PCDHA10: variants seen among roughly 807,000 people sequenced by gnomAD.
PCDHA10 encodes protocadherin alpha 10, also known as protocadherin alpha-10.
PCDHA10 carries 45 observed loss-of-function variants against 61.2 expected under a neutral mutation model. That is an observed-to-expected ratio of 0.74 (90% CI 0.58 to 0.94). PCDHA10 has a LOEUF of 0.94. Ranked by LOEUF, PCDHA10 falls within the 40% of genes least tolerant of loss-of-function variation. The pLI, the probability that PCDHA10 is intolerant of heterozygous loss-of-function variation, is 0.00. For synonymous variants in PCDHA10, 602 were observed against 548.8 expected (o/e 1.10, Z -1.35); for missense variants, 1,278 against 1,236.2 (o/e 1.03, Z -0.51).
At chr5:140,989,928 A>T (rs2097366853) in intron 3 of PCDHA10, among the ~76,000 whole-genome samples, 1 of 152,032 alleles carries the variant, frequency 6.6e-6, no homozygotes, top group African/African-American at 2.4e-5. Context: ...GCAGAGATAG[A>T]TGACATTCCA....
chr5:140,969,225 C>G (rs782766938), intron 1 of PCDHA10: 13 of 1,614,118 alleles, frequency 8.1e-6, no homozygotes, highest in Admixed American at 1.7e-5. Flanking sequence ...CCAGGGCCTT[C>G]GGGAGCCCAA....
chr5:140,945,597 A>G (rs374286655), intron 1 of PCDHA10, among the ~76,000 whole-genome samples: 11 of 152,170 alleles, frequency 7.2e-5, no homozygotes, highest in Non-Finnish European at 1.2e-4. Context: ...CTTCAAAGCT[A>G]TAATAATCAA....
rs1361440512 is a variant in PCDHA10, at chr5:140,875,201, G to A, written c.2388+16765G>A. 5.0e-5 allele frequency: 30 copies of A among 595,474 alleles called. No homozygotes were observed. The East Asian group carries it at 1.1e-3, about 21-fold the overall frequency. 36.9% of individuals were successfully genotyped at this position (595,474 alleles called of 1,614,324 possible). A position where few individuals can be genotyped will look rare whatever the true frequency, so the allele number is the denominator to read the frequency against. On this transcript the variant is annotated intron_variant, in intron 1 of 3. Coordinates refer to ENST00000307360, the MANE Select transcript of PCDHA10 (RefSeq NM_018901.4). ...AGAATTAAGAGTGACCCAGGAAGTG[G>A]CTAAACCGAAAAGAACCTCAGGATC... is the stretch of plus-strand genomic sequence containing the variant.
At chr5:140,967,086 G>C in intron 1 of PCDHA10, 3 of 1,613,210 alleles carry the variant, frequency 1.9e-6, no homozygotes, top group Non-Finnish European at 2.5e-6. Context: ...CGCATTGATC[G>C]GGAGGCGCTG....
At chr5:140,862,596 G>A (rs543851067) in intron 1 of PCDHA10, 2 of 510,824 alleles carry the variant, frequency 3.9e-6, no homozygotes, top group East Asian at 1.0e-4. Flanking sequence ...CCGAGTACAT[G>A]GTGTTCGTGA....
chr5:141,005,031 A>G (rs2098194150), intron 3 of PCDHA10, among the ~76,000 whole-genome samples: 1 of 152,212 alleles, frequency 6.6e-6, no homozygotes, highest in South Asian at 2.1e-4. Context: ...ATAATTGCCC[A>G]TATGTGATAC....
chr5:140,947,585 G>C (rs773594834), intron 1 of PCDHA10, among the ~76,000 whole-genome samples: 5 of 151,544 alleles, frequency 3.3e-5, no homozygotes, highest in Non-Finnish European at 3.0e-5. Context: ...TTAACATTTA[G>C]ATCAATTTAG....
At position 140,970,818 on chromosome 5, in the gene PCDHA10, G is replaced by A. The variant is rs77234853; in HGVS notation, c.2389-8131G>A. Among the ~76,000 whole-genome samples, 569 of 152,084 alleles carry A rather than the reference G, an allele frequency of 3.7e-3. 1 individual carries two copies. The highest frequency in any genetic ancestry group is 5.8e-3 in the South Asian group (28 of 4,824). On this transcript the variant is annotated intron_variant, in intron 1 of 3. Coordinates refer to ENST00000307360, the MANE Select transcript of PCDHA10 (RefSeq NM_018901.4). ...CATATTGTTACATTTCAAGTTCATGGTAATCTTGAGGAATGTAATGCACAG... is the reference window on the plus strand; with the variant it reads ...CATATTGTTACATTTCAAGTTCATGATAATCTTGAGGAATGTAATGCACAG...
chr5:140,861,377 G>T (rs2046888604), intron 1 of PCDHA10: 1 of 418,518 alleles, frequency 2.4e-6, no homozygotes, highest in South Asian at 2.0e-5. Context: ...TCCCTATTGC[G>T]CAGGACCTGG....
At chr5:140,970,802 AC>A (rs1407360459) in intron 1 of PCDHA10, among the ~76,000 whole-genome samples, 1 of 152,216 alleles carries the variant, frequency 6.6e-6, no homozygotes, top group Non-Finnish European at 1.5e-5. Flanking sequence ...CCATATTGTT[AC>A]ATTTCAAGTT....
Position 141,011,146 on chromosome 5 carries a change from C to T in PCDHA10, c.*1209C>T, listed in dbSNP as rs1180133019. On this transcript the variant is annotated 3_prime_UTR_variant, in exon 4 of 4. Transcript: ENST00000307360. ...TATGTGCACTTTGATACACAACCTT[C>T]TCTAACCAACTATATATCAAGACCC... The T allele has an allele frequency of 6.5e-6, 1 of 153,746 alleles. No individual in the cohort carries two copies. The highest frequency in any genetic ancestry group is 2.1e-4 in the South Asian group (1 of 4,824). The allele number at this position is 153,746 out of a possible 1,614,324, so 9.5% of individuals were successfully genotyped here.
In PCDHA10 at chr5:141,010,127, T is replaced by A. The variant is rs1419190844; in HGVS notation, c.*190T>A. On this transcript the variant is annotated 3_prime_UTR_variant, in exon 4 of 4. Transcript: ENST00000307360. ...TTTGTCGTAAAAGCTTTACTAAGTC[T>A]GGTGTTAACTCTTTCTCTCCACTCT... The A allele has an allele frequency of 1.9e-6, 3 of 1,602,472 alleles. No individual in the cohort carries two copies. Among genetic ancestry groups the A allele is most frequent in the Non-Finnish European group, 2.6e-6 (3 of 1,173,756 alleles).
At chr5:140,903,269 G>A (rs1251669520) in intron 1 of PCDHA10, among the ~76,000 whole-genome samples, 4 of 152,140 alleles carry the variant, frequency 2.6e-5, no homozygotes, top group African/African-American at 4.8e-5. Context: ...CAGGAGTGAG[G>A]TAGTGTCTCA....
In PCDHA10 at chr5:140,857,418, C is replaced by T; in HGVS notation, c.1370C>T (p.Ser457Phe). ...GACAACGCGCCTGCGTTCGCGCAGT[C>T]CGAGTACACGGTGTTCGTGAAGGAG... is the stretch of plus-strand genomic sequence containing the variant. ...VNDNAPAFAQ[S>F]EYTVFVKENN... The change falls in exon 1 of 4, where the codon TCC (serine) becomes TTC (phenylalanine). Residue 457 changes from serine (S) to phenylalanine (F), a missense_variant. Ser to Phe is a radical substitution (Grantham distance 155, BLOSUM62 -2). Transcript: ENST00000307360. 1 of 1,598,514 alleles carries T rather than the reference C, an allele frequency of 6.3e-7. No individual in the cohort carries two copies. The highest frequency in any genetic ancestry group is 1.1e-5 in the South Asian group (1 of 90,552).
At chr5:140,972,983 AGATTCTGTGCATTTGT>A (rs1169514447) in intron 1 of PCDHA10, among the ~76,000 whole-genome samples, 1 of 152,102 alleles carries the variant, frequency 6.6e-6, no homozygotes, top group Admixed American at 6.6e-5. Flanking sequence ...ATCTTAAGGT[AGATTCTGTGCATTTGT>A]GGTCGTGGTG....
At chr5:140,963,722 T>G (rs948660694) in intron 1 of PCDHA10, among the ~76,000 whole-genome samples, 2 of 152,242 alleles carry the variant, frequency 1.3e-5, no homozygotes, top group Non-Finnish European at 2.9e-5. Flanking sequence ...ACATATAGAC[T>G]GCCAACTAAG....
chr5:140,982,687 C>T (rs2096996612), intron 3 of PCDHA10, 124 bp downstream of exon 3: 1 of 1,415,822 alleles, frequency 7.1e-7, no homozygotes, highest in Non-Finnish European at 9.3e-7. Flanking sequence ...CCCTTTTTTC[C>T]ATACATACAT....
At chr5:140,936,875 C>A (rs1052156307) in intron 1 of PCDHA10, among the ~76,000 whole-genome samples, 1 of 151,950 alleles carries the variant, frequency 6.6e-6, no homozygotes, top group South Asian at 2.1e-4. Context: ...TTTAAAAAAC[C>A]CTGCTTTGAT....
intron 1 of PCDHA10, chr5:140,883,037 A>C: frequency 6.2e-7 from 1 of 1,614,166 alleles, no homozygotes; most frequent in Non-Finnish European, 8.5e-7. Flanking sequence ...GAACGCCTTC[A>C]ATGGAACATT....
Sources: gnomAD v4.1 joint callset for allele counts (sites outside exome capture counted in the v4.1 genomes callset) on GRCh38, gnomAD v4.1.1 for gene constraint, MANE v1.5 for transcripts, NCBI Gene and HGNC (gene_info 2026-07-23, HGNC 2026-07-21) for gene names.